Variants in KCNQ3 observed in about 807,000 individuals in gnomAD.
KCNQ3 encodes potassium voltage-gated channel subfamily KQT member 3.
A neutral mutation model predicts 92.5 loss-of-function variants in KCNQ3; 30 were observed. The observed-to-expected ratio is 0.32, with a 90% CI of 0.24 to 0.44. The LOEUF (loss-of-function observed/expected upper bound fraction) is 0.44, where lower values mean the gene tolerates loss of function less well. Ranked by LOEUF, KCNQ3 falls within the 20% of genes least tolerant of loss-of-function variation. KCNQ3 has a pLI of 1.00. For missense variants in KCNQ3, 913 were observed against 1,140.3 expected (o/e 0.80, Z 2.87); for synonymous variants, 450 against 468.8 (o/e 0.96, Z 0.52).
intron 1 of KCNQ3, among the ~76,000 whole-genome samples, chr8:132,400,968 CT>C: frequency 6.6e-6 from 1 of 152,222 alleles, no homozygotes; most frequent in Non-Finnish European, 1.5e-5. Flanking sequence ...GTTAATTCCC[CT>C]AGCCTTTGCA....
intron 1 of KCNQ3, among the ~76,000 whole-genome samples, chr8:132,418,241 G>A (rs1346509041): frequency 6.6e-6 from 1 of 152,196 alleles, no homozygotes; most frequent in Non-Finnish European, 1.5e-5. Context: ...CAGACCATAG[G>A]CTTTCTGAAG....
intron 1 of KCNQ3, among the ~76,000 whole-genome samples, chr8:132,303,631 T>C: frequency 2.5e-5 from 1 of 40,602 alleles, no homozygotes; most frequent in South Asian, 8.3e-4. Context: ...TATATATATA[T>C]GGTGTATATA....
At chr8:132,138,472 G>C (rs1411246624) in intron 11 of KCNQ3, among the ~76,000 whole-genome samples, 1 of 152,144 alleles carries the variant, frequency 6.6e-6, no homozygotes, top group Non-Finnish European at 1.5e-5. Context: ...CACACTGCTT[G>C]CTATTTGAGG....
intron 1 of KCNQ3, among the ~76,000 whole-genome samples, chr8:132,202,409 C>T (rs184745702): frequency 1.1e-4 from 16 of 152,162 alleles, no homozygotes; most frequent in Admixed American, 7.9e-4. Flanking sequence ...TTTACATGGC[C>T]GGACTGGGAG....
intron 1 of KCNQ3, among the ~76,000 whole-genome samples, chr8:132,477,167 C>G (rs1219952167): frequency 6.6e-6 from 1 of 152,148 alleles, no homozygotes; most frequent in African/African-American, 2.4e-5. Context: ...AACAATTAAA[C>G]TTCTTTCCTT....
chr8:132,125,839 A>T lies in KCNQ3; in HGVS notation c.*3423T>A, dbSNP rs1171409340. The T allele has an allele frequency of 1.3e-5, 2 of 152,196 alleles. No homozygotes were observed. Among genetic ancestry groups the T allele is most frequent in the African/African-American group, 4.8e-5 (2 of 41,454 alleles). The allele number at this position is 152,196 out of a possible 1,614,324, so 9.4% of individuals were successfully genotyped here. On this transcript the variant is annotated 3_prime_UTR_variant, in exon 15 of 15. Transcript: ENST00000388996. Reference sequence around the variant, plus strand: ...AATAAGCCTAAATTTCCAGTTCTAAAAACAAAGTTATTCAACAACACTTTC... The same window carrying T: ...AATAAGCCTAAATTTCCAGTTCTAATAACAAAGTTATTCAACAACACTTTC...
chr8:132,368,629 A>G (rs1819387402), intron 1 of KCNQ3, among the ~76,000 whole-genome samples: 1 of 152,070 alleles, frequency 6.6e-6, no homozygotes, highest in Non-Finnish European at 1.5e-5. Flanking sequence ...CTCCAGCCTG[A>G]GAGACTGAAA....
At chr8:132,410,057 A>G (rs1262091411) in intron 1 of KCNQ3, among the ~76,000 whole-genome samples, 1 of 152,172 alleles carries the variant, frequency 6.6e-6, no homozygotes, top group East Asian at 1.9e-4. Flanking sequence ...TGAGCCCAGG[A>G]GGTCATGGCT....
At chr8:132,458,769 A>G (rs1461753929) in intron 1 of KCNQ3, among the ~76,000 whole-genome samples, 1 of 152,236 alleles carries the variant, frequency 6.6e-6, no homozygotes, top group Non-Finnish European at 1.5e-5. Flanking sequence ...ATAGTTTTCA[A>G]TTTAGAGAAA....
At chr8:132,323,554 C>T (rs557262140) in intron 1 of KCNQ3, among the ~76,000 whole-genome samples, 2 of 152,308 alleles carry the variant, frequency 1.3e-5, no homozygotes, top group African/African-American at 2.4e-5. Flanking sequence ...TCCCCCAAAA[C>T]CTGCTCCTAG....
chr8:132,336,702 C>T (rs1294896666), intron 1 of KCNQ3, among the ~76,000 whole-genome samples: 35 of 152,222 alleles, frequency 2.3e-4, no homozygotes. Context: ...CTCACTCCCT[C>T]TCCCTCCTCA....
chr8:132,201,535 GA>G (rs1827459006), intron 1 of KCNQ3, among the ~76,000 whole-genome samples: 1 of 151,020 alleles, frequency 6.6e-6, no homozygotes. Context: ...CTCCCATTCC[GA>G]AAAGAAAAAA....
chr8:132,383,715 C>A (rs931475267), intron 1 of KCNQ3, among the ~76,000 whole-genome samples: 9 of 152,128 alleles, frequency 5.9e-5, no homozygotes, highest in African/African-American at 1.2e-4. Flanking sequence ...CTTGTGGATG[C>A]GGATCGGGAC....
intron 1 of KCNQ3, among the ~76,000 whole-genome samples, chr8:132,301,055 C>T (rs1401787623): frequency 1.3e-5 from 2 of 152,162 alleles, no homozygotes; most frequent in African/African-American, 4.8e-5. Context: ...CTAGTTTCCA[C>T]TGAATCCCAA....
Position 132,129,609 on chromosome 8 carries a change from C to T in KCNQ3, c.2272G>A (p.Val758Met). The T allele has an allele frequency of 6.2e-7, 1 of 1,614,146 alleles. No individual in the cohort carries two copies. Among genetic ancestry groups the T allele is most frequent in the Non-Finnish European group, 8.5e-7 (1 of 1,180,032 alleles). ...LPILTLLDSR[V>M]SCHSQADLQG... ...AGGTCAGCCTGGGAGTGGCAGCTCA[C>T]TCGGGAGTCGAGAAGAGTCAAGATA... The change falls in exon 15 of 15, where the codon GTG becomes ATG. Residue 758 changes from valine to methionine, a missense_variant. Physicochemically the swap from Val to Met is conservative, Grantham distance 21 (BLOSUM62 1). This residue lies in a region of KCNQ3 where 375 missense variants were observed against 376.4 expected (regional missense o/e 1.00). Transcript: ENST00000388996. The surrounding 1 kb of genome is among the most constrained non-coding windows in gnomAD (Gnocchi z 5.9).
chr8:132,168,313 G>C (rs1826199646), intron 8 of KCNQ3, among the ~76,000 whole-genome samples: 1 of 152,144 alleles, frequency 6.6e-6, no homozygotes, highest in South Asian at 2.1e-4. Context: ...CTGAAAAGTA[G>C]ATCTACTGAT....
intron 1 of KCNQ3, among the ~76,000 whole-genome samples, chr8:132,197,013 A>ATTTTTTTTTTTTTTTTTTT (rs200485313): frequency 7.2e-6 from 1 of 139,044 alleles, no homozygotes. Context: ...TGTCTCATGG[A>ATTTTTTTTTTTTTTTTTTT]TTTTTTTTTT....
chr8:132,465,739 G>A lies in KCNQ3; in HGVS notation c.386+14408C>T, dbSNP rs761162893. 7.9e-5 allele frequency among the ~76,000 whole-genome samples: 12 copies of A among 151,756 alleles called. No homozygotes were observed. In the South Asian group the frequency reaches 1.7e-3, roughly 21 times the overall value. On this transcript the variant is annotated intron_variant, in intron 1 of 14. Transcript: ENST00000388996. ...AGCCTGGGCAACAGAGCGAAACTCC[G>A]TCTCAAAAACAAACAAACAAAAAAT...
intron 1 of KCNQ3, among the ~76,000 whole-genome samples, chr8:132,250,680 G>A (rs1447130217): frequency 6.6e-6 from 1 of 152,098 alleles, no homozygotes; most frequent in Non-Finnish European, 1.5e-5. Flanking sequence ...ATTTCCAAGT[G>A]GATTGGGTGG....
Sources: gnomAD v4.1 joint callset for allele counts (sites outside exome capture counted in the v4.1 genomes callset) on GRCh38, gnomAD v4.1.1 for gene constraint, gnomAD v4.1.1 regional missense constraint, Gnocchi (gnomAD v3.1) non-coding constraint, MANE v1.5 for transcripts, NCBI Gene and HGNC (gene_info 2026-07-23, HGNC 2026-07-21) for gene names.